Variants in CLYBL observed in about 807,000 individuals in gnomAD.
CLYBL encodes citramalyl-CoA lyase, mitochondrial.
CLYBL carries 31 observed loss-of-function variants against 38.9 expected under a neutral mutation model. That is an observed-to-expected ratio of 0.80 (90% CI 0.60 to 1.08). The LOEUF is 1.08. Ranked by LOEUF, CLYBL falls within the 50% of genes least tolerant of loss-of-function variation. The probability of loss-of-function intolerance (pLI) is 0.00; values close to 1 mark genes in which losing one functional copy is unlikely to be tolerated. For missense variants in CLYBL, 434 were observed against 411.6 expected, an observed-to-expected ratio of 1.05 and a Z score of -0.47; for synonymous variants, 171 against 158.6, an observed-to-expected ratio of 1.08 and a Z score of -0.59.
chr13:99,675,590 G>A (rs74929681), intron 1 of CLYBL, among the ~76,000 whole-genome samples: 4,400 of 152,190 alleles, frequency 0.029, 205 homozygotes, highest in African/African-American at 0.1. Context: ...TATATTTGCC[G>A]ATTCTGGACT....
chr13:99,625,160 G>C (rs1192901191), intron 1 of CLYBL, among the ~76,000 whole-genome samples: 1 of 152,158 alleles, frequency 6.6e-6, no homozygotes, highest in Non-Finnish European at 1.5e-5. Context: ...TGTGCTGTTC[G>C]TTTGCTGTCC....
In CLYBL at chr13:99,781,381, A is replaced by G. The variant is rs191979102; in HGVS notation, c.249+8371A>G. On this transcript the variant is annotated intron_variant, in intron 2 of 8. Coordinates refer to ENST00000339105, the MANE Select transcript of CLYBL (RefSeq NM_206808.5). Reference sequence around the variant, plus strand: ...GAGATGGGGTTTCACTGTGTTAGCCAGGATGGTCTCAATCTCCTGACCTCG... The same window carrying G: ...GAGATGGGGTTTCACTGTGTTAGCCGGGATGGTCTCAATCTCCTGACCTCG... 1.4e-4 allele frequency among the ~76,000 whole-genome samples: 22 copies of G among 151,778 alleles called. No individual in the cohort carries two copies. In the East Asian group the frequency reaches 4.3e-3, roughly 30 times the overall value.
intron 9 of CLYBL, among the ~76,000 whole-genome samples, chr13:99,907,567 AT>A (rs1038570602): frequency 1.3e-5 from 2 of 151,994 alleles, no homozygotes; most frequent in African/African-American, 4.8e-5. Flanking sequence ...CTATACATCA[AT>A]TTTTTTTAAT....
At chr13:99,802,996 T>A (rs1474177353) in intron 2 of CLYBL, among the ~76,000 whole-genome samples, 1 of 152,198 alleles carries the variant, frequency 6.6e-6, no homozygotes, top group Non-Finnish European at 1.5e-5. Context: ...GCCACTTCAT[T>A]ACTCTTAGTG....
At chr13:99,666,629 T>C (rs1326389134) in intron 1 of CLYBL, among the ~76,000 whole-genome samples, 1 of 152,018 alleles carries the variant, frequency 6.6e-6, no homozygotes, top group Non-Finnish European at 1.5e-5. Context: ...ATTTGCAGAG[T>C]GGCTTGGAAT....
intron 1 of CLYBL, among the ~76,000 whole-genome samples, chr13:99,725,802 T>A (rs1342494666): frequency 6.6e-6 from 1 of 152,212 alleles, no homozygotes; most frequent in Non-Finnish European, 1.5e-5. Flanking sequence ...TTGTGGTGTT[T>A]GCGTAAATCC....
intron 1 of CLYBL, among the ~76,000 whole-genome samples, chr13:99,662,630 T>G (rs2047426373): frequency 6.6e-6 from 1 of 152,002 alleles, no homozygotes; most frequent in East Asian, 1.9e-4. Flanking sequence ...TTGTCACATT[T>G]TAAAGTACAG....
Position 99,864,847 on chromosome 13 carries a change from G to T in CLYBL, c.570G>T (p.Gly190=), listed in dbSNP as rs764714516. Residue 190 remains glycine, a synonymous_variant, in exon 5 of 9, where the codon GGG becomes GGT. Coordinates refer to ENST00000339105, the MANE Select transcript of CLYBL (RefSeq NM_206808.5). ...TGTGTGAAGAAACCCTGAAGGTCGG[G>T]CCTCAAGTAGGTCTCTTTCTAGATG... is the stretch of plus-strand genomic sequence containing the variant. ...KAVCEETLKV[G]PQVGLFLDAV... 1.2e-5 allele frequency: 20 copies of T among 1,613,856 alleles called. No homozygotes were observed. Among genetic ancestry groups the T allele is most frequent in the Non-Finnish European group, 1.7e-5 (20 of 1,179,918 alleles).
chr13:99,884,609 C>A (rs1229015953), intron 7 of CLYBL, among the ~76,000 whole-genome samples: 2 of 152,242 alleles, frequency 1.3e-5, no homozygotes, highest in African/African-American at 4.8e-5. Context: ...TCCTTCCCGC[C>A]ATTAGACTGG....
Position 99,865,267 on chromosome 13 carries a change from C to A in CLYBL, c.634+356C>A. On this transcript the variant is annotated intron_variant, in intron 5 of 8. Transcript: ENST00000339105. This position sits in a 1 kb window ranked among gnomAD's most constrained non-coding sequence, Gnocchi z 4.7. ...TTGCTTCAGTATTTTGTTTTCATAT[C>A]AGTCTGTGGGCTGTCTAGATTTCTA... 3.0e-6 allele frequency: 1 copy of A among 333,776 alleles called. No homozygotes were observed. Among genetic ancestry groups the A allele is most frequent in the Non-Finnish European group, 5.8e-6 (1 of 171,532 alleles). 20.7% of individuals were successfully genotyped at this position (333,776 alleles called of 1,614,324 possible).
chr13:99,752,268 C>T (rs1405030664), intron 1 of CLYBL, among the ~76,000 whole-genome samples: 1 of 152,120 alleles, frequency 6.6e-6, no homozygotes, highest in Non-Finnish European at 1.5e-5. Flanking sequence ...GGCCCTTTCT[C>T]CTTGAACATT....
intron 1 of CLYBL, among the ~76,000 whole-genome samples, chr13:99,647,932 A>C (rs1232264009): frequency 2.0e-5 from 3 of 152,098 alleles, no homozygotes; most frequent in Non-Finnish European, 4.4e-5. Flanking sequence ...TCAGTGGCTA[A>C]TATTTAAACA....
In CLYBL at chr13:99,788,661, A is replaced by G. The variant is rs2049850931; in HGVS notation, c.249+15651A>G. 2.6e-5 allele frequency among the ~76,000 whole-genome samples: 4 copies of G among 151,932 alleles called. No individual in the cohort carries two copies. The South Asian group carries it at 8.3e-4, about 32-fold the overall frequency. Reference sequence around the variant, plus strand: ...ATCAGGGATTTTGGTCTAAAGTTCTATTTTTGTGTGTGTGTCTCTGCCAGG... The same window carrying G: ...ATCAGGGATTTTGGTCTAAAGTTCTGTTTTTGTGTGTGTGTCTCTGCCAGG... On this transcript the variant is annotated intron_variant, in intron 2 of 8. Coordinates refer to ENST00000339105, the MANE Select transcript of CLYBL (RefSeq NM_206808.5).
At chr13:99,897,945 A>AAAAAAAAGAAAG (rs1555326969), downstream of CLYBL, among the ~76,000 whole-genome samples, 1 of 151,826 alleles carries the variant, frequency 6.6e-6, no homozygotes, top group African/African-American at 2.4e-5. Flanking sequence ...CGTCTCAAAA[A>AAAAAAAAGAAAG]AAAGAAAGAA....
At chr13:99,700,922 C>T (rs924167367) in intron 1 of CLYBL, among the ~76,000 whole-genome samples, 1 of 152,112 alleles carries the variant, frequency 6.6e-6, no homozygotes, top group African/African-American at 2.4e-5. Context: ...GGATTTTTTT[C>T]CCTCTCTGAT....
chr13:99,821,825 G>A (rs1383476051), intron 2 of CLYBL, among the ~76,000 whole-genome samples: 1 of 152,192 alleles, frequency 6.6e-6, no homozygotes, highest in Non-Finnish European at 1.5e-5. Flanking sequence ...CACATGTCAA[G>A]CAGGAACCCA....
At chr13:99,631,746 G>A (rs1443672011) in intron 1 of CLYBL, among the ~76,000 whole-genome samples, 3 of 151,752 alleles carry the variant, frequency 2.0e-5, no homozygotes, top group Non-Finnish European at 2.9e-5. Flanking sequence ...CTACAGGCAC[G>A]CACCACCACG....
intron 8 of CLYBL, among the ~76,000 whole-genome samples, chr13:99,903,370 G>GCACA (rs954241988): frequency 1.3e-5 from 2 of 151,714 alleles, no homozygotes; most frequent in East Asian, 3.9e-4. Flanking sequence ...AAACACACTG[G>GCACA]CACACACACA....
chr13:99,700,301 C>T (rs920139351), intron 1 of CLYBL, among the ~76,000 whole-genome samples: 7 of 151,798 alleles, frequency 4.6e-5, no homozygotes, highest in South Asian at 2.1e-4. Flanking sequence ...TAAAATTAGG[C>T]GAGCATGGTG....
Sources: allele counts gnomAD v4.1 joint callset (sites outside exome capture counted in the v4.1 genomes callset), GRCh38; gene constraint gnomAD v4.1.1; non-coding constraint Gnocchi (gnomAD v3.1); transcripts MANE v1.5; gene names NCBI Gene and HGNC (gene_info 2026-07-23, HGNC 2026-07-21).